Variants in FRZB observed in about 807,000 individuals in gnomAD.
FRZB encodes the protein secreted frizzled-related protein 3.
FRZB carries 34 observed loss-of-function variants against 32.5 expected under a neutral mutation model. The ratio of observed to expected loss-of-function variants is 1.05; its 90% CI spans 0.80 to 1.39. The LOEUF is 1.39. Among genes scored for constraint, FRZB ranks in the 40% most tolerant of loss-of-function variants. The pLI is 0.00. For synonymous variants in FRZB, 170 were observed against 159.2 expected (o/e 1.07, Z -0.51); for missense variants, 423 against 424.8 (o/e 1.00, Z 0.04).
rs368734908 is a variant in FRZB at position 182,834,268 on chromosome 2, T to A, written c.*581A>T. 1 of 152,410 alleles carries A rather than the reference T, an allele frequency of 6.6e-6. No homozygotes were observed. Among genetic ancestry groups the A allele is most frequent in the South Asian group, 2.1e-4 (1 of 4,836 alleles). 9.4% of individuals were successfully genotyped at this position (152,410 alleles called of 1,614,324 possible). A position where few individuals can be genotyped will look rare whatever the true frequency, so the allele number is the denominator to read the frequency against. ...CTGACAGTCTCAAAAATAATTCATC[T>A]TGGGTGTTGTTTCCTCATAAACACT... On this transcript the variant is annotated 3_prime_UTR_variant, in exon 6 of 6. Coordinates refer to ENST00000295113, the MANE Select transcript of FRZB (RefSeq NM_001463.4).
At chr2:182,838,728 G>T in intron 3 of FRZB, 115 bp from the exon 4 acceptor site, 1 of 810,508 alleles carries the variant, frequency 1.2e-6, no homozygotes, top group Non-Finnish European at 1.9e-6. Flanking sequence ...GATATTCAAC[G>T]AATGGAACAG....
At chr2:182,853,787 C>T (rs1695735432) in intron 2 of FRZB, among the ~76,000 whole-genome samples, 1 of 152,072 alleles carries the variant, frequency 6.6e-6, no homozygotes, top group Non-Finnish European at 1.5e-5. Flanking sequence ...TAAGGCAGGA[C>T]ATACTCACCA....
chr2:182,838,717 T>G, intron 3 of FRZB, 104 bp from the exon 4 acceptor site: 1 of 906,572 alleles, frequency 1.1e-6, no homozygotes, highest in South Asian at 1.6e-5. Flanking sequence ...CTTATCCACT[T>G]GATATTCAAC....
chr2:182,851,212 A>G (rs1695706314), intron 2 of FRZB, among the ~76,000 whole-genome samples: 1 of 152,226 alleles, frequency 6.6e-6, no homozygotes. Context: ...GATGTGCAGA[A>G]GCTTTTTGGC....
chr2:182,847,981 C>A (rs1695664541), intron 2 of FRZB, among the ~76,000 whole-genome samples: 1 of 151,432 alleles, frequency 6.6e-6, no homozygotes, highest in South Asian at 2.1e-4. Flanking sequence ...ATCAGTATTG[C>A]AGTAGACCAT....
At chr2:182,859,417 G>A (rs1695806136) in intron 1 of FRZB, among the ~76,000 whole-genome samples, 1 of 152,070 alleles carries the variant, frequency 6.6e-6, no homozygotes, top group Non-Finnish European at 1.5e-5. Context: ...TTTTTAGGAT[G>A]CCATAATCCC....
intron 2 of FRZB, among the ~76,000 whole-genome samples, chr2:182,848,739 GAAATA>G (rs1326214266): frequency 1.3e-5 from 2 of 152,126 alleles, no homozygotes; most frequent in African/African-American, 4.8e-5. Flanking sequence ...TACACAATTA[GAAATA>G]AAATAAAATG....
chr2:182,851,197 C>T (rs192652472), intron 2 of FRZB, among the ~76,000 whole-genome samples: 2 of 152,122 alleles, frequency 1.3e-5, no homozygotes, highest in Non-Finnish European at 2.9e-5. Flanking sequence ...TTGATTGTTT[C>T]CTTTGATGTG....
Position 182,854,263 on chromosome 2 carries a change from T to C in FRZB, c.526+4523A>G, listed in dbSNP as rs950992376. On this transcript the variant is annotated intron_variant, in intron 2 of 5. Transcript: ENST00000295113. Reference sequence around the variant, plus strand: ...ATTTGTGCACTTTTCTGCATGCATGTTATACTTTAATGGTTTATTTTATGG... The same window carrying C: ...ATTTGTGCACTTTTCTGCATGCATGCTATACTTTAATGGTTTATTTTATGG... Among the ~76,000 whole-genome samples the C allele has an allele frequency of 3.3e-5, 5 of 152,308 alleles. No homozygotes were observed. The East Asian group carries it at 9.7e-4, about 29-fold the overall frequency.
chr2:182,846,873 C>T (rs558922601), intron 2 of FRZB, among the ~76,000 whole-genome samples: 1 of 152,262 alleles, frequency 6.6e-6, no homozygotes, highest in South Asian at 2.1e-4. Flanking sequence ...TCCATCACAC[C>T]ATGAATTTGT....
chr2:182,839,639 T>C (rs1003411892), intron 3 of FRZB, among the ~76,000 whole-genome samples: 3 of 152,044 alleles, frequency 2.0e-5, no homozygotes, highest in African/African-American at 7.2e-5. Context: ...TCTCTCCCCT[T>C]TAAAAGAGTC....
chr2:182,857,278 C>T (rs1197801380), intron 2 of FRZB, among the ~76,000 whole-genome samples: 1 of 151,990 alleles, frequency 6.6e-6, no homozygotes, highest in Non-Finnish European at 1.5e-5. Flanking sequence ...TTGTGAGATG[C>T]AACTAAAGTC....
chr2:182,849,122 G>C (rs1695681404), intron 2 of FRZB, among the ~76,000 whole-genome samples: 1 of 152,114 alleles, frequency 6.6e-6, no homozygotes, highest in Admixed American at 6.5e-5. Context: ...AGCTACTCGG[G>C]AGGCTGAGGC....
chr2:182,838,293 C>G, intron 4 of FRZB, 116 bp downstream of exon 4: 5 of 875,226 alleles, frequency 5.7e-6, no homozygotes, highest in Non-Finnish European at 7.1e-6. Flanking sequence ...ATCTGTAATC[C>G]CCAAGAAGGT....
At chr2:182,843,791 T>C (rs927149584) in intron 2 of FRZB, among the ~76,000 whole-genome samples, 1 of 151,882 alleles carries the variant, frequency 6.6e-6, no homozygotes, top group Non-Finnish European at 1.5e-5. Flanking sequence ...AATCAGCTGG[T>C]GTGGTGGCGT....
Position 182,866,071 on chromosome 2 carries a change from T to G in FRZB, c.478+4A>C. The G allele has an allele frequency of 1.2e-6, 2 of 1,600,972 alleles. No homozygotes were observed. Among genetic ancestry groups the G allele is most frequent in the South Asian group, 2.2e-5 (2 of 89,924 alleles). ...AGGGAAGGGTGGGCCGTGTCAAAACTCACCAGCTCCGTCCGCAGTAACGAT... is the reference window on the plus strand; with the variant it reads ...AGGGAAGGGTGGGCCGTGTCAAAACGCACCAGCTCCGTCCGCAGTAACGAT... On this transcript the variant is annotated splice_donor_region_variant and intron_variant, in intron 1 of 5. Transcript: ENST00000295113. The surrounding 1 kb of genome is among the most constrained non-coding windows in gnomAD (Gnocchi z 4.5).
At chr2:182,848,575 G>C (rs1040327762) in intron 2 of FRZB, among the ~76,000 whole-genome samples, 1 of 151,958 alleles carries the variant, frequency 6.6e-6, no homozygotes, top group Non-Finnish European at 1.5e-5. Context: ...CAAAACACCC[G>C]AACCCTAGAG....
At chr2:182,858,056 C>A (rs1389499448) in intron 2 of FRZB, among the ~76,000 whole-genome samples, 1 of 152,144 alleles carries the variant, frequency 6.6e-6, no homozygotes, top group East Asian at 1.9e-4. Flanking sequence ...ACATTACTAG[C>A]ACAAAATTGA....
chr2:182,843,324 T>C (rs1402657425), intron 2 of FRZB, among the ~76,000 whole-genome samples: 1 of 152,178 alleles, frequency 6.6e-6, no homozygotes, highest in African/African-American at 2.4e-5. Context: ...GGTAGATTCA[T>C]TTGACACCTT....
Sources: gnomAD v4.1 joint callset for allele counts (sites outside exome capture counted in the v4.1 genomes callset) on GRCh38, gnomAD v4.1.1 for gene constraint, Gnocchi (gnomAD v3.1) non-coding constraint, MANE v1.5 for transcripts, NCBI Gene and HGNC (gene_info 2026-07-23, HGNC 2026-07-21) for gene names.